HERC3: variants seen among roughly 807,000 people sequenced by gnomAD.
HERC3 encodes HECT and RLD domain containing E3 ubiquitin protein ligase 3.
HERC3 carries 58 observed loss-of-function variants against 129.9 expected under a neutral mutation model. The ratio of observed to expected loss-of-function variants is 0.45; its 90% CI spans 0.36 to 0.56. The LOEUF is 0.56. Ranked by LOEUF, HERC3 falls within the 20% of genes least tolerant of loss-of-function variation. HERC3 has a pLI of 0.00. For missense variants in HERC3, 835 were observed against 1,244.2 expected, an observed-to-expected ratio of 0.67 and a Z score of 4.95; for synonymous variants, 430 against 451.0, an observed-to-expected ratio of 0.95 and a Z score of 0.59.
At chr4:88,561,589 T>C in the HERC3 span, among the ~76,000 whole-genome samples, 1 of 152,142 alleles carries the variant, frequency 6.6e-6, no homozygotes, top group African/African-American at 2.4e-5. Flanking sequence ...TGTTGTGCTA[T>C]CAAACACTAG....
the HERC3 span, among the ~76,000 whole-genome samples, chr4:88,579,641 T>C: frequency 6.6e-6 from 1 of 152,100 alleles, no homozygotes; most frequent in Non-Finnish European, 1.5e-5. Flanking sequence ...AGAAGTAGGG[T>C]TGAGGAAGAG....
chr4:88,697,250 G>A, intron 23 of HERC3: 1 of 1,556,416 alleles, frequency 6.4e-7, no homozygotes, highest in Non-Finnish European at 8.7e-7. Flanking sequence ...GCATCGTCAT[G>A]TTTGGCCCCC....
chr4:88,692,805 G>A (rs1434570881), intron 23 of HERC3: 10 of 642,316 alleles, frequency 1.6e-5, no homozygotes, highest in South Asian at 1.4e-4. Flanking sequence ...TCAAAGCCAG[G>A]TGGTTTGAGT....
the HERC3 span, among the ~76,000 whole-genome samples, chr4:88,526,245 G>T: frequency 4.6e-5 from 7 of 152,120 alleles, no homozygotes; most frequent in Non-Finnish European, 5.9e-5. Flanking sequence ...TTCCAATATG[G>T]ATACTATTGA....
Position 88,680,305 on chromosome 4 carries a change from C to T in HERC3, c.2340+69C>T, listed in dbSNP as rs542816797. On this transcript the variant is annotated intron_variant, in intron 20 of 25. Transcript: ENST00000402738. ...CTTTCTTTTTGTTGTCAGACCAATC[C>T]CCTAACTTCTAACTTTGCAAAGGGG... 4,794 of 1,220,702 alleles carry T rather than the reference C, an allele frequency of 3.9e-3. 19 individuals are homozygous for T. The highest frequency in any genetic ancestry group is 8.0e-3 in the Middle Eastern group (28 of 3,522). The allele number at this position is 1,220,702 out of a possible 1,614,324, so 75.6% of individuals were successfully genotyped here. A position where few individuals can be genotyped will look rare whatever the true frequency, so the allele number is the denominator to read the frequency against.
At chr4:88,615,283 A>G (rs1297541674) in intron 3 of HERC3, among the ~76,000 whole-genome samples, 1 of 152,160 alleles carries the variant, frequency 6.6e-6, no homozygotes, top group Non-Finnish European at 1.5e-5. Flanking sequence ...GTAGTTTATC[A>G]GCCTGAATGG....
At chr4:88,540,459 T>A in the HERC3 span, among the ~76,000 whole-genome samples, 1 of 152,114 alleles carries the variant, frequency 6.6e-6, no homozygotes, top group Non-Finnish European at 1.5e-5. Context: ...AAAGACCAAA[T>A]CTACGTTTGA....
At chr4:88,663,484 C>A (rs28684814) in intron 11 of HERC3, among the ~76,000 whole-genome samples, 6,410 of 152,242 alleles carry the variant, frequency 0.042, 169 homozygotes, top group Middle Eastern at 0.12. Flanking sequence ...GGATGGAAGA[C>A]ATGATCTTTA....
intron 16 of HERC3, among the ~76,000 whole-genome samples, chr4:88,673,752 A>C (rs1731859883): frequency 1.3e-5 from 2 of 152,246 alleles, no homozygotes. Context: ...AAAATTAATG[A>C]AATTAAATTA....
chr4:88,608,551 A>G (rs1723925404), intron 3 of HERC3, among the ~76,000 whole-genome samples: 1 of 152,246 alleles, frequency 6.6e-6, no homozygotes, highest in South Asian at 2.1e-4. Flanking sequence ...AGTAAATCCT[A>G]TTTATTATGT....
At chr4:88,637,743 A>T (rs1031420506) in intron 3 of HERC3, among the ~76,000 whole-genome samples, 2 of 152,224 alleles carry the variant, frequency 1.3e-5, no homozygotes, top group Non-Finnish European at 2.9e-5. Context: ...GAAATAACTA[A>T]GATCAGAGCG....
Position 88,680,124 on chromosome 4 carries a change from C to T in HERC3, c.2228C>T (p.Ala743Val), listed in dbSNP as rs146347188. The part of the protein sequence containing the change: ...VIFDGEEAVD[A>V]GGVTKEFFLL... ...TTTGATGGTGAAGAAGCAGTGGATG[C>T]CGGTGGTGTTACAAAGGAATTTTTT... The change falls in exon 20 of 26, where the codon GCC (alanine) becomes GTC (valine). Residue 743 changes from alanine to valine, a missense_variant. Transcript: ENST00000402738. The T allele has an allele frequency of 2.7e-4, 437 of 1,612,362 alleles. No homozygotes were observed. The highest frequency in any genetic ancestry group is 3.6e-4 in the Non-Finnish European group (430 of 1,179,126).
At chr4:88,532,118 T>G in the HERC3 span, among the ~76,000 whole-genome samples, 1 of 152,080 alleles carries the variant, frequency 6.6e-6, no homozygotes, top group South Asian at 2.1e-4. Context: ...TCATAAAATA[T>G]GTAAATCACT....
chr4:88,566,962 G>T, the HERC3 span, among the ~76,000 whole-genome samples: 36 of 151,602 alleles, frequency 2.4e-4, no homozygotes, highest in African/African-American at 7.5e-4. Context: ...GCTAATTTTT[G>T]TTTTTTTTGT....
At chr4:88,604,174 C>A (rs578078480) in intron 2 of HERC3, among the ~76,000 whole-genome samples, 1 of 152,296 alleles carries the variant, frequency 6.6e-6, no homozygotes, top group Admixed American at 6.5e-5. Flanking sequence ...CATGCGCCAC[C>A]GCGCCTGGCT....
chr4:88,595,187 A>G (rs1347363524), intron 1 of HERC3, among the ~76,000 whole-genome samples: 2 of 152,080 alleles, frequency 1.3e-5, no homozygotes, highest in African/African-American at 4.8e-5. Context: ...TATGTGTCAT[A>G]CATGGAAAAA....
chr4:88,704,333 C>A (rs1196557463), intron 24 of HERC3, 52 bp downstream of exon 24: 5 of 1,568,858 alleles, frequency 3.2e-6, no homozygotes, highest in African/African-American at 2.7e-5. Flanking sequence ...GCAGCAGCAG[C>A]CTGGGGAGGT....
At chr4:88,638,462 A>G (rs1301256227) in intron 3 of HERC3, among the ~76,000 whole-genome samples, 13 of 152,354 alleles carry the variant, frequency 8.5e-5, no homozygotes, top group Admixed American at 7.2e-4. Flanking sequence ...AACATAATCT[A>G]TCACATAAAC....
chr4:88,632,833 G>A (rs1266128373), intron 3 of HERC3, among the ~76,000 whole-genome samples: 1 of 152,182 alleles, frequency 6.6e-6, no homozygotes, highest in South Asian at 2.1e-4. Context: ...AGGATGTAGT[G>A]CAAAACTGGA....
Sources: gnomAD v4.1 joint callset for allele counts (sites outside exome capture counted in the v4.1 genomes callset) on GRCh38, gnomAD v4.1.1 for gene constraint, MANE v1.5 for transcripts, NCBI Gene and HGNC (gene_info 2026-07-23, HGNC 2026-07-21) for gene names.